LCLAT1: variants seen among roughly 807,000 people sequenced by gnomAD.
LCLAT1 encodes lysocardiolipin acyltransferase 1, also known as 1-AGP acyltransferase 8.
LCLAT1 carries 11 observed loss-of-function variants against 30.7 expected under a neutral mutation model. The observed-to-expected ratio is 0.36, with a 90% confidence interval of 0.23 to 0.59. The LOEUF (loss-of-function observed/expected upper bound fraction) is 0.59, where lower values mean the gene tolerates loss of function less well. Among genes scored for constraint, LCLAT1 ranks in the 20% least tolerant of loss-of-function variants. The pLI, the probability that LCLAT1 is intolerant of heterozygous loss-of-function variation, is 0.77. For synonymous variants in LCLAT1, 155 were observed against 151.3 expected, an observed-to-expected ratio of 1.02 and a Z score of -0.18; for missense variants, 402 against 458.6, an observed-to-expected ratio of 0.88 and a Z score of 1.13.
chr2:30,640,199 A>AGACTT lies in LCLAT1; in HGVS notation c.712_716dup (p.Phe239LeufsTer16). 1.2e-6 allele frequency: 2 copies of AGACTT among 1,614,132 alleles called. No individual in the cohort carries two copies. Among genetic ancestry groups the AGACTT allele is most frequent in the Non-Finnish European group, 1.7e-6 (2 of 1,179,968 alleles). ...AATCAGAGAAGCACCTCCTCCAAGG[A>AGACTT]GACTTTCCCAGGGAAATCCACTTTC... On this transcript the variant is annotated frameshift_variant, in exon 6 of 6. Transcript: ENST00000379509. LOFTEE classifies it high-confidence loss of function.
In LCLAT1 at chr2:30,484,744, TG is replaced by T. The variant is rs1228338366; in HGVS notation, c.-5+37362del. On this transcript the variant is annotated intron_variant, in intron 1 of 5. Transcript: ENST00000379509. ...GTTTAACTGTATGTACATTTGAGAG[TG>T]TAACATTCAGTAACATTTGACAGTT... 8.3e-3 allele frequency among the ~76,000 whole-genome samples: 1,264 copies of T among 152,202 alleles called. 20 individuals carry two copies. The highest frequency in any genetic ancestry group is 0.029 in the African/African-American group (1,213 of 41,548).
intron 1 of LCLAT1, among the ~76,000 whole-genome samples, chr2:30,463,419 T>C (rs914784980): frequency 1.3e-5 from 2 of 152,214 alleles, no homozygotes; most frequent in Non-Finnish European, 2.9e-5. Flanking sequence ...TTCATTATTT[T>C]GTAAGTTGCT....
intron 3 of LCLAT1, among the ~76,000 whole-genome samples, chr2:30,536,709 TA>T (rs1300819453): frequency 7.9e-5 from 12 of 152,124 alleles, no homozygotes; most frequent in African/African-American, 2.9e-4. Context: ...ATAGAACAGA[TA>T]TATAGATGAA....
intron 1 of LCLAT1, among the ~76,000 whole-genome samples, chr2:30,502,749 A>G (rs886978783): frequency 2.6e-5 from 4 of 152,100 alleles, no homozygotes; most frequent in African/African-American, 9.7e-5. Context: ...TAGATATACC[A>G]CTTTTGTTTA....
intron 3 of LCLAT1, among the ~76,000 whole-genome samples, chr2:30,542,752 A>G (rs1664201951): frequency 6.6e-6 from 1 of 152,038 alleles, no homozygotes; most frequent in Non-Finnish European, 1.5e-5. Context: ...TTTTTGATTG[A>G]TGCTATTTTG....
At chr2:30,568,800 C>T (rs1247599049) in intron 5 of LCLAT1, among the ~76,000 whole-genome samples, 1 of 143,760 alleles carries the variant, frequency 7.0e-6, no homozygotes. Flanking sequence ...AGCCACGGCG[C>T]CCGGCCAAAA....
Position 30,525,676 on chromosome 2 carries a change from T to TAA in LCLAT1, c.87_88insAA (p.Pro30AsnfsTer3). On this transcript the variant is annotated frameshift_variant, in exon 2 of 6. Transcript: ENST00000379509. LOFTEE classifies it high-confidence loss of function. The stretch of plus-strand genomic sequence containing the variant: ...AGCATTTTCATGCTGAGTCCCTTTT[T>TAA]ACCTTTGATGTTTGTAAACCCATCT... 1 of 1,614,182 alleles carries TAA rather than the reference T, an allele frequency of 6.2e-7. No individual in the cohort carries two copies. The highest frequency in any genetic ancestry group is 8.5e-7 in the Non-Finnish European group (1 of 1,179,996).
chr2:30,533,384 C>T (rs1373557428), intron 3 of LCLAT1, 70 bp downstream of exon 3: 6 of 1,325,494 alleles, frequency 4.5e-6, no homozygotes, highest in Non-Finnish European at 6.5e-6. Context: ...GTAAAACTGA[C>T]TTAAGCATTA....
At chr2:30,472,605 A>G (rs1682854239) in intron 1 of LCLAT1, among the ~76,000 whole-genome samples, 1 of 152,138 alleles carries the variant, frequency 6.6e-6, no homozygotes, top group African/African-American at 2.4e-5. Flanking sequence ...CATTTGGTAA[A>G]GTGTTCTGTT....
chr2:30,544,307 A>G (rs1664292486), intron 3 of LCLAT1, among the ~76,000 whole-genome samples: 5 of 152,218 alleles, frequency 3.3e-5, no homozygotes, highest in Admixed American at 3.3e-4. Flanking sequence ...TAACTCCATC[A>G]TGCTAGAAAA....
chr2:30,573,464 A>G (rs1003017779), intron 5 of LCLAT1, among the ~76,000 whole-genome samples: 1 of 152,164 alleles, frequency 6.6e-6, no homozygotes, highest in African/African-American at 2.4e-5. Context: ...TTCCAAGGTT[A>G]AATCTACTCT....
chr2:30,528,122 A>G (rs982332798), intron 2 of LCLAT1, among the ~76,000 whole-genome samples: 6 of 152,214 alleles, frequency 3.9e-5, no homozygotes, highest in Non-Finnish European at 8.8e-5. Context: ...TTTCTATACC[A>G]GTGACTCACG....
At chr2:30,494,601 CGTAT>C (rs1286393112) in intron 1 of LCLAT1, among the ~76,000 whole-genome samples, 1 of 151,786 alleles carries the variant, frequency 6.6e-6, no homozygotes, top group Non-Finnish European at 1.5e-5. Flanking sequence ...TATGCATGCA[CGTAT>C]GTGTGTATGC....
At chr2:30,593,963 A>G (rs956036903) in intron 5 of LCLAT1, among the ~76,000 whole-genome samples, 2 of 151,620 alleles carry the variant, frequency 1.3e-5, no homozygotes, top group African/African-American at 4.8e-5. Context: ...TAATTCTAAA[A>G]TTTTATCATT....
At chr2:30,559,930 T>C (rs1193991478) in intron 3 of LCLAT1, among the ~76,000 whole-genome samples, 1 of 152,226 alleles carries the variant, frequency 6.6e-6, no homozygotes, top group Non-Finnish European at 1.5e-5. Flanking sequence ...TGCTAAATAA[T>C]CTTATTTGTT....
At chr2:30,594,813 AT>A (rs1231317692) in intron 5 of LCLAT1, among the ~76,000 whole-genome samples, 4 of 152,208 alleles carry the variant, frequency 2.6e-5, no homozygotes, top group African/African-American at 9.6e-5. Context: ...TTTATTGGAT[AT>A]TTTTTAAGGC....
intron 1 of LCLAT1, among the ~76,000 whole-genome samples, chr2:30,499,337 C>T (rs967191773): frequency 7.2e-5 from 11 of 152,138 alleles, no homozygotes; most frequent in African/African-American, 2.2e-4. Flanking sequence ...CCCGCCATCA[C>T]GCCCAGCTAA....
chr2:30,530,838 C>T (rs901568210), intron 2 of LCLAT1, among the ~76,000 whole-genome samples: 1 of 152,086 alleles, frequency 6.6e-6, no homozygotes, highest in Non-Finnish European at 1.5e-5. Flanking sequence ...GCCACCACAC[C>T]CATCCCAGTC....
chr2:30,509,936 A>C (rs1684857681), intron 1 of LCLAT1, among the ~76,000 whole-genome samples: 1 of 152,208 alleles, frequency 6.6e-6, no homozygotes, highest in African/African-American at 2.4e-5. Context: ...CAGGGAGAGC[A>C]GGAATTTTAT....
Sources: gnomAD v4.1 joint callset for allele counts (sites outside exome capture counted in the v4.1 genomes callset) on GRCh38, gnomAD v4.1.1 for gene constraint, MANE v1.5 for transcripts, NCBI Gene and HGNC (gene_info 2026-07-23, HGNC 2026-07-21) for gene names.